The following BMPR2 variants were observed in gnomAD, a reference collection of about 807,000 sequenced individuals.
BMPR2 encodes the protein bone morphogenetic protein receptor type 2, also known as bone morphogenetic protein receptor type-2.
BMPR2 carries 29 observed loss-of-function variants against 100.8 expected under a neutral mutation model. The ratio of observed to expected loss-of-function variants is 0.29; its 90% CI spans 0.21 to 0.39. The LOEUF (loss-of-function observed/expected upper bound fraction) is 0.39. BMPR2 is among the 10% of genes least tolerant of loss of function. The pLI, the probability that BMPR2 is intolerant of heterozygous loss-of-function variation, is 1.00. For missense variants in BMPR2, 1,011 were observed against 1,274.5 expected, an observed-to-expected ratio of 0.79 and a Z score of 3.15; for synonymous variants, 382 against 442.3, an observed-to-expected ratio of 0.86 and a Z score of 1.71.
intron 7 of BMPR2, among the ~76,000 whole-genome samples, chr2:202,529,447 A>G (rs1188921451): frequency 6.6e-6 from 1 of 152,308 alleles, no homozygotes; most frequent in East Asian, 1.9e-4. Flanking sequence ...TTGATTTGGT[A>G]TTATTATATA....
At chr2:202,422,330 G>T (rs1041646066) in intron 1 of BMPR2, among the ~76,000 whole-genome samples, 1 of 150,736 alleles carries the variant, frequency 6.6e-6, no homozygotes, top group African/African-American at 2.4e-5. Flanking sequence ...TTTTTGAGAC[G>T]GAGTCTTGCT....
chr2:202,517,237 GA>G (rs1280390062), intron 5 of BMPR2, among the ~76,000 whole-genome samples: 4 of 148,512 alleles, frequency 2.7e-5, no homozygotes, highest in South Asian at 2.1e-4. Context: ...AAAAAAAAAA[GA>G]TTTTTTTTTG....
chr2:202,467,426 T>TC, intron 2 of BMPR2, 93 bp from the exon 3 acceptor site: 1 of 1,107,386 alleles, frequency 9.0e-7, no homozygotes. Context: ...ACACGTACTC[T>TC]CACATTTATT....
At chr2:202,435,436 G>T (rs1398100628) in intron 1 of BMPR2, among the ~76,000 whole-genome samples, 3 of 138,710 alleles carry the variant, frequency 2.2e-5, no homozygotes, top group Non-Finnish European at 3.0e-5. Context: ...CAGTATGTTC[G>T]TGTTTTAAGC....
At chr2:202,400,932 A>T (rs1046048342) in intron 1 of BMPR2, among the ~76,000 whole-genome samples, 28 of 152,224 alleles carry the variant, frequency 1.8e-4, no homozygotes, top group Non-Finnish European at 3.5e-4. Flanking sequence ...ACTCTCCTAA[A>T]TTATTCTTGA....
Position 202,377,563 on chromosome 2 carries a change from G to A in BMPR2, c.76+13G>A, listed in dbSNP as rs1690177485. The A allele has an allele frequency of 1.2e-6, 2 of 1,613,672 alleles. No homozygotes were observed. Among genetic ancestry groups the A allele is most frequent in the African/African-American group, 1.3e-5 (1 of 74,908 alleles). On this transcript the variant is annotated intron_variant, in intron 1 of 12. Transcript: ENST00000374580. ...AGCACTGCGGCTGGTGAGTAGCTCC[G>A]GCCGGCACGTCCCGGCCACTGCCCC...
chr2:202,511,422 T>A (rs1411866183), intron 3 of BMPR2, among the ~76,000 whole-genome samples: 1 of 152,226 alleles, frequency 6.6e-6, no homozygotes, highest in Admixed American at 6.5e-5. Context: ...TTCTGATATA[T>A]GCCTAGGATT....
At chr2:202,519,935 ACT>A in intron 6 of BMPR2, 150 bp from the exon 7 acceptor site, 1 of 635,410 alleles carries the variant, frequency 1.6e-6, no homozygotes, top group Non-Finnish European at 2.8e-6. Flanking sequence ...TGTCATACTA[ACT>A]CTTTCAAGAT....
At chr2:202,481,168 T>TTTCTCTTCTC (rs71035012) in intron 3 of BMPR2, among the ~76,000 whole-genome samples, 15,545 of 150,340 alleles carry the variant, frequency 0.1, 955 homozygotes, top group Non-Finnish European at 0.13. Context: ...TCTCTTCTCT[T>TTTCTCTTCTC]TTCTCTTCTC....
At chr2:202,437,946 T>G (rs935778031) in intron 1 of BMPR2, among the ~76,000 whole-genome samples, 4 of 150,504 alleles carry the variant, frequency 2.7e-5, no homozygotes, top group African/African-American at 1.0e-4. Flanking sequence ...AATTTTTTTT[T>G]GTGGACATAT....
At chr2:202,436,388 G>C (rs1191089629) in intron 1 of BMPR2, among the ~76,000 whole-genome samples, 2 of 150,290 alleles carry the variant, frequency 1.3e-5, no homozygotes, top group Non-Finnish European at 2.9e-5. Flanking sequence ...TGAGGCTGCA[G>C]TGAGCCCTGA....
chr2:202,490,512 T>G (rs1692878890), intron 3 of BMPR2, among the ~76,000 whole-genome samples: 1 of 152,230 alleles, frequency 6.6e-6, no homozygotes, highest in Non-Finnish European at 1.5e-5. Context: ...ACATCCAAAA[T>G]GTACCCACAA....
At chr2:202,441,634 C>T (rs1354211853) in intron 1 of BMPR2, among the ~76,000 whole-genome samples, 6 of 140,088 alleles carry the variant, frequency 4.3e-5, no homozygotes, top group Admixed American at 1.5e-4. Context: ...AGGAGAATGG[C>T]GTGAACCCGG....
chr2:202,415,159 A>G (rs945708205), intron 1 of BMPR2, among the ~76,000 whole-genome samples: 2 of 152,140 alleles, frequency 1.3e-5, no homozygotes, highest in Admixed American at 1.3e-4. Context: ...AGAATATACC[A>G]TCTAGGACTT....
intron 3 of BMPR2, among the ~76,000 whole-genome samples, chr2:202,491,362 T>C (rs1330018113): frequency 6.6e-6 from 1 of 152,162 alleles, no homozygotes; most frequent in Non-Finnish European, 1.5e-5. Context: ...GAGCCCACCC[T>C]ACCTCTTTAT....
At chr2:202,541,173 G>A (rs1688265652) in intron 9 of BMPR2, among the ~76,000 whole-genome samples, 2 of 152,106 alleles carry the variant, frequency 1.3e-5, no homozygotes, top group Admixed American at 1.3e-4. Flanking sequence ...GGGCACAGTG[G>A]TTCACACCTG....
rs901268572 is a variant in BMPR2 at position 202,439,746 on chromosome 2, T to C, written c.77-25063T>C. 1.7e-4 allele frequency among the ~76,000 whole-genome samples: 24 copies of C among 138,780 alleles called. 1 individual carries two copies. Among genetic ancestry groups the C allele is most frequent in the Non-Finnish European group, 2.9e-4 (19 of 66,064 alleles). The allele number at this position is 138,780 out of a possible 152,430, so 91.0% of individuals were successfully genotyped here. On this transcript the variant is annotated intron_variant, in intron 1 of 12. Transcript: ENST00000374580. ...GTTAGTTGTGGGTTTTTCTTTTTTCTTTTTTCTTTTTTTTTAGTATTTATT... is the reference window on the plus strand; with the variant it reads ...GTTAGTTGTGGGTTTTTCTTTTTTCCTTTTTCTTTTTTTTTAGTATTTATT...
chr2:202,465,094 G>C lies in BMPR2; in HGVS notation c.247+115G>C, dbSNP rs529804374. 34 of 1,370,674 alleles carry C rather than the reference G, an allele frequency of 2.5e-5. 1 individual carries two copies. The South Asian group carries it at 4.1e-4, about 17-fold the overall frequency. 84.9% of individuals were successfully genotyped at this position (1,370,674 alleles called of 1,614,324 possible). On this transcript the variant is annotated intron_variant, in intron 2 of 12. Coordinates refer to ENST00000374580, the MANE Select transcript of BMPR2 (RefSeq NM_001204.7). ...TCAGAAAAACAGTGAATTTAAAAGT[G>C]TATATATAAAGCCAGGTGTGGTGGC... is the stretch of plus-strand genomic sequence containing the variant.
At chr2:202,553,927 A>T (rs942333937) in intron 11 of BMPR2, among the ~76,000 whole-genome samples, 6 of 152,220 alleles carry the variant, frequency 3.9e-5, no homozygotes, top group Non-Finnish European at 8.8e-5. Flanking sequence ...ACCCCTGGTG[A>T]TCTGCCTGCC....
Sources: allele counts gnomAD v4.1 joint callset (sites outside exome capture counted in the v4.1 genomes callset), GRCh38; gene constraint gnomAD v4.1.1; transcripts MANE v1.5; gene names NCBI Gene and HGNC (gene_info 2026-07-23, HGNC 2026-07-21).